Variants in MLIP observed in about 807,000 individuals in gnomAD.
MLIP encodes muscular LMNA-interacting protein.
Under a neutral mutation model 84.8 loss-of-function variants are expected in MLIP, and 79 were observed. The ratio of observed to expected loss-of-function variants is 0.93; its 90% confidence interval spans 0.78 to 1.12. The LOEUF (loss-of-function observed/expected upper bound fraction) is 1.12. Ranked by LOEUF, MLIP falls within the 50% of genes most tolerant of loss-of-function variation. The pLI, the probability that MLIP is intolerant of heterozygous loss-of-function variation, is 0.00. For missense variants in MLIP, 1,257 were observed against 1,160.6 expected, an observed-to-expected ratio of 1.08 and a Z score of -1.21; for synonymous variants, 504 against 463.0, an observed-to-expected ratio of 1.09 and a Z score of -1.14.
chr6:54,129,274 G>A (rs1771182576), intron 3 of MLIP, among the ~76,000 whole-genome samples: 1 of 151,990 alleles, frequency 6.6e-6, no homozygotes, highest in South Asian at 2.1e-4. Flanking sequence ...TATTACAATA[G>A]CCTTCATGTG....
intron 1 of MLIP, among the ~76,000 whole-genome samples, chr6:54,055,502 C>T (rs529435051): frequency 5.1e-4 from 78 of 152,116 alleles, no homozygotes; most frequent in Admixed American, 9.8e-4. Context: ...GTTAATTATT[C>T]AGAAAAAACT....
At chr6:54,206,462 C>G (rs1027208694) in intron 11 of MLIP, among the ~76,000 whole-genome samples, 9 of 151,572 alleles carry the variant, frequency 5.9e-5, no homozygotes, top group African/African-American at 1.9e-4. Flanking sequence ...AGCATGTATG[C>G]CTCTTAAAAT....
At chr6:54,210,928 T>G (rs1253923967) in intron 11 of MLIP, among the ~76,000 whole-genome samples, 1 of 152,132 alleles carries the variant, frequency 6.6e-6, no homozygotes, top group East Asian at 1.9e-4. Context: ...CTGACTTGTC[T>G]AATTATTTTT....
At chr6:54,024,634 T>G (rs1157666922) in intron 1 of MLIP, among the ~76,000 whole-genome samples, 1 of 152,222 alleles carries the variant, frequency 6.6e-6, no homozygotes, top group Non-Finnish European at 1.5e-5. Context: ...AGGCAATTAT[T>G]ACGCTTTGAT....
At chr6:54,028,356 C>G (rs1053114503) in intron 1 of MLIP, among the ~76,000 whole-genome samples, 1 of 151,996 alleles carries the variant, frequency 6.6e-6, no homozygotes, top group South Asian at 2.1e-4. Context: ...GAGACCACCT[C>G]GTGATTTTAA....
At chr6:54,028,892 G>A (rs1351413674) in intron 1 of MLIP, 1 of 152,116 alleles carries the variant, frequency 6.6e-6, no homozygotes, top group East Asian at 1.9e-4. Flanking sequence ...GTCTCTTCTT[G>A]GCAGCTCATC....
At chr6:54,078,691 CTTTTT>C (rs70980890) in intron 1 of MLIP, among the ~76,000 whole-genome samples, 1 of 133,368 alleles carries the variant, frequency 7.5e-6, no homozygotes, top group Non-Finnish European at 1.6e-5. Context: ...TTCTTTCTTT[CTTTTT>C]TTTTTTTTTT....
intron 11 of MLIP, among the ~76,000 whole-genome samples, chr6:54,204,450 A>T (rs909879383): frequency 2.0e-5 from 3 of 152,212 alleles, no homozygotes; most frequent in African/African-American, 7.2e-5. Flanking sequence ...TTTAGCAGTT[A>T]TATGAAAATC....
At chr6:54,084,631 A>G (rs1445073662) in intron 1 of MLIP, among the ~76,000 whole-genome samples, 2 of 152,224 alleles carry the variant, frequency 1.3e-5, no homozygotes, top group African/African-American at 4.8e-5. Flanking sequence ...AGGAGAAAAA[A>G]GTACTCTTTG....
chr6:54,126,731 T>G (rs1428218385), intron 3 of MLIP, among the ~76,000 whole-genome samples: 2 of 151,874 alleles, frequency 1.3e-5, no homozygotes, highest in African/African-American at 4.8e-5. Context: ...ATGTACAAAG[T>G]CTAAAAAAAA....
intron 3 of MLIP, among the ~76,000 whole-genome samples, chr6:54,126,010 T>C (rs1770892642): frequency 6.6e-6 from 1 of 151,914 alleles, no homozygotes; most frequent in Non-Finnish European, 1.5e-5. Context: ...ACTCACATTT[T>C]TACTGGGCTA....
intron 1 of MLIP, among the ~76,000 whole-genome samples, chr6:54,043,105 A>G (rs531454427): frequency 3.3e-5 from 5 of 152,278 alleles, no homozygotes; most frequent in Middle Eastern, 3.4e-3. Context: ...TGACACTCCT[A>G]CAAACATCCT....
chr6:54,053,564 G>T (rs1372086981), intron 1 of MLIP, among the ~76,000 whole-genome samples: 2 of 152,168 alleles, frequency 1.3e-5, no homozygotes, highest in African/African-American at 2.4e-5. Flanking sequence ...GCAGGTGGTT[G>T]TGAAATTAAA....
intron 11 of MLIP, chr6:54,217,750 CTA>C (rs2150761578): frequency 4.1e-6 from 4 of 985,274 alleles, no homozygotes; most frequent in East Asian, 1.1e-4. Flanking sequence ...TCAGAAATAA[CTA>C]TGTTACCTAT....
chr6:54,122,895 T>C (rs1770575923), intron 2 of MLIP, among the ~76,000 whole-genome samples: 1 of 152,182 alleles, frequency 6.6e-6, no homozygotes, highest in African/African-American at 2.4e-5. Flanking sequence ...TCTTAGACAG[T>C]TCAACATTAA....
At chr6:54,073,214 G>A (rs779916622) in intron 1 of MLIP, among the ~76,000 whole-genome samples, 1 of 152,172 alleles carries the variant, frequency 6.6e-6, no homozygotes, top group Non-Finnish European at 1.5e-5. Context: ...GCAGTTGCAA[G>A]CTGATCCTTC....
At chr6:54,063,074 C>T (rs1766060886) in intron 1 of MLIP, among the ~76,000 whole-genome samples, 1 of 151,998 alleles carries the variant, frequency 6.6e-6, no homozygotes, top group South Asian at 2.1e-4. Context: ...GTCGTGGTGG[C>T]GTACGCCTGT....
chr6:54,032,802 C>T (rs1233694262), intron 1 of MLIP, among the ~76,000 whole-genome samples: 1 of 152,076 alleles, frequency 6.6e-6, no homozygotes, highest in Non-Finnish European at 1.5e-5. Context: ...GATTTACCCA[C>T]CTTGGCCTCC....
intron 10 of MLIP, among the ~76,000 whole-genome samples, chr6:54,200,282 C>A (rs1439336411): frequency 1.3e-5 from 2 of 152,134 alleles, no homozygotes; most frequent in Admixed American, 1.3e-4. Context: ...GGTTATCCTA[C>A]CATCCAAAGT....
Sources: allele counts gnomAD v4.1 joint callset (sites outside exome capture counted in the v4.1 genomes callset), GRCh38; gene constraint gnomAD v4.1.1; transcripts MANE v1.5; gene names NCBI Gene and HGNC (gene_info 2026-07-23, HGNC 2026-07-21).